The following KIF26B variants were observed in gnomAD, a reference collection of about 807,000 sequenced individuals.
KIF26B encodes the protein kinesin family member 26B.
KIF26B carries 63 observed loss-of-function variants against 151.2 expected under a neutral mutation model. That is an observed-to-expected ratio of 0.42 (90% confidence interval 0.34 to 0.51). KIF26B has a LOEUF of 0.51. KIF26B is among the 20% of genes least tolerant of loss of function. The pLI is 0.07. For missense variants in KIF26B, 2,813 were observed against 2,913.6 expected (o/e 0.97, Z 0.79); for synonymous variants, 1,357 against 1,262.1 (o/e 1.08, Z -1.59).
intron 4 of KIF26B, among the ~76,000 whole-genome samples, chr1:245,500,139 G>A (rs150596939): frequency 3.9e-5 from 6 of 152,308 alleles, no homozygotes; most frequent in African/African-American, 7.2e-5. Context: ...AGCATTCAAA[G>A]CTATTCCTTC....
intron 2 of KIF26B, among the ~76,000 whole-genome samples, chr1:245,297,470 T>C (rs1417484508): frequency 6.6e-6 from 1 of 152,236 alleles, no homozygotes; most frequent in Non-Finnish European, 1.5e-5. Flanking sequence ...ATTTGAGTCT[T>C]TGCTGATTCC....
rs561167738 is a variant in KIF26B, at chr1:245,256,773, A to G, written c.465+100090A>G. On this transcript the variant is annotated intron_variant, in intron 2 of 14. Transcript: ENST00000407071. ...TTAAAATAGAGACTTCAGACTGACA[A>G]AGCGGACTCTTTGTAGCAATGAGAT... Among the ~76,000 whole-genome samples, 4 of 152,344 alleles carry G rather than the reference A, an allele frequency of 2.6e-5. No individual in the cohort carries two copies. In the East Asian group the frequency reaches 5.8e-4, roughly 22 times the overall value.
At chr1:245,612,341 G>T (rs549779856) in intron 9 of KIF26B, among the ~76,000 whole-genome samples, 1 of 151,946 alleles carries the variant, frequency 6.6e-6, no homozygotes, top group Non-Finnish European at 1.5e-5. Context: ...TAGAACTCCC[G>T]GTCTTGAGAT....
At chr1:245,197,173 G>A (rs1669210816) in intron 2 of KIF26B, among the ~76,000 whole-genome samples, 1 of 152,192 alleles carries the variant, frequency 6.6e-6, no homozygotes, top group Admixed American at 6.5e-5. Context: ...CCACACTCAA[G>A]ATGTTGCAGG....
chr1:245,600,327 C>A lies in KIF26B; in HGVS notation c.1351-2250C>A, dbSNP rs193114797. Among the ~76,000 whole-genome samples the A allele has an allele frequency of 3.6e-3, 524 of 145,232 alleles. 6 individuals are homozygous for A. Among genetic ancestry groups the A allele is most frequent in the Middle Eastern group, 0.014 (4 of 292 alleles). ...TGCTGGGATTACAGGCGTGAGCCAC[C>A]ACGCCTGGCCGTTTTGTTTTTGAGA... On this transcript the variant is annotated intron_variant, in intron 5 of 14. Transcript: ENST00000407071.
At chr1:245,651,513 C>A (rs1366756144) in intron 10 of KIF26B, among the ~76,000 whole-genome samples, 4 of 149,560 alleles carry the variant, frequency 2.7e-5, no homozygotes, top group Non-Finnish European at 4.4e-5. Flanking sequence ...TTTCTCAGAA[C>A]TGGAAACCCA....
At chr1:245,614,198 TCTCA>T (rs1315487208) in intron 9 of KIF26B, among the ~76,000 whole-genome samples, 4 of 152,138 alleles carry the variant, frequency 2.6e-5, no homozygotes, top group Admixed American at 6.6e-5. Flanking sequence ...TGAGATGAAG[TCTCA>T]CTCACTCTGT....
chr1:245,680,680 C>G (rs1340049983), intron 10 of KIF26B, among the ~76,000 whole-genome samples: 2 of 152,208 alleles, frequency 1.3e-5, no homozygotes, highest in African/African-American at 4.8e-5. Flanking sequence ...AGAGTGCAGG[C>G]AGTCCTCATC....
At chr1:245,568,944 T>A (rs1166951435) in intron 5 of KIF26B, among the ~76,000 whole-genome samples, 3 of 152,190 alleles carry the variant, frequency 2.0e-5, no homozygotes, top group Non-Finnish European at 4.4e-5. Flanking sequence ...AATTTCCTAC[T>A]CTCAGCAGGA....
rs1262971888 is a variant in KIF26B at position 245,698,077 on chromosome 1, T to C, written c.5825-29T>C. ...CAAAAAAATTGAAATTCAGAAAGACTAACTCTCTGGGCTTATCCCCCTCCT... is the reference window on the plus strand; with the variant it reads ...CAAAAAAATTGAAATTCAGAAAGACCAACTCTCTGGGCTTATCCCCCTCCT... On this transcript the variant is annotated intron_variant, in intron 12 of 14. Coordinates refer to ENST00000407071, the MANE Select transcript of KIF26B (RefSeq NM_018012.4). This position sits in a 1 kb window ranked among gnomAD's most constrained non-coding sequence, Gnocchi z 4.0. 5 of 1,585,684 alleles carry C rather than the reference T, an allele frequency of 3.2e-6. No homozygotes were observed. The highest frequency in any genetic ancestry group is 4.3e-6 in the Non-Finnish European group (5 of 1,165,266).
intron 2 of KIF26B, 73 bp downstream of exon 2, chr1:245,156,756 C>A: frequency 3.0e-6 from 3 of 992,862 alleles, no homozygotes; most frequent in South Asian, 2.7e-5. Context: ...AGCAGCTGCT[C>A]AGCCCGCCGC....
At chr1:245,451,512 T>C (rs1659389543) in intron 4 of KIF26B, among the ~76,000 whole-genome samples, 1 of 151,646 alleles carries the variant, frequency 6.6e-6, no homozygotes, top group African/African-American at 2.4e-5. Flanking sequence ...GTATAGCCAA[T>C]TTTTATGAAT....
At chr1:245,179,846 G>A (rs1351157126) in intron 2 of KIF26B, among the ~76,000 whole-genome samples, 1 of 152,220 alleles carries the variant, frequency 6.6e-6, no homozygotes, top group African/African-American at 2.4e-5. Flanking sequence ...GAGACAGAGG[G>A]TGGACAGGAT....
intron 2 of KIF26B, chr1:245,216,316 G>T (rs1199931342): frequency 6.6e-6 from 1 of 151,958 alleles, no homozygotes; most frequent in African/African-American, 2.4e-5. Flanking sequence ...GTAACAAAAA[G>T]AAGGGCAGGA....
At chr1:245,618,614 G>C (rs996843270) in intron 9 of KIF26B, among the ~76,000 whole-genome samples, 1 of 147,834 alleles carries the variant, frequency 6.8e-6, no homozygotes, top group Non-Finnish European at 1.5e-5. Flanking sequence ...GGTTCCTTGA[G>C]ACAGAGTGCC....
rs117423892 is a variant in KIF26B, at chr1:245,683,486, C to T, written c.2259-747C>T. ...CCATTTCTCCAGGTCTATTCAAAGA[C>T]GTAGCAACACTCCCTGCAAACCCCA... On this transcript the variant is annotated intron_variant, in intron 10 of 14. Coordinates refer to ENST00000407071, the MANE Select transcript of KIF26B (RefSeq NM_018012.4). Among the ~76,000 whole-genome samples, 57 of 152,234 alleles carry T rather than the reference C, an allele frequency of 3.7e-4. No homozygotes were observed. The East Asian group carries it at 3.9e-3, about 10-fold the overall frequency.
At chr1:245,175,323 A>G (rs1005592712) in intron 2 of KIF26B, among the ~76,000 whole-genome samples, 5 of 152,100 alleles carry the variant, frequency 3.3e-5, no homozygotes, top group African/African-American at 1.2e-4. Flanking sequence ...GATAGCAGCT[A>G]GAAGTAAGTC....
intron 2 of KIF26B, among the ~76,000 whole-genome samples, chr1:245,287,054 AGCCGAGATCTT>A (rs1313703095): frequency 6.6e-6 from 1 of 152,140 alleles, no homozygotes; most frequent in Admixed American, 6.5e-5. Context: ...GGTTGCAGTG[AGCCGAGATCTT>A]GCCACTGCAC....
At chr1:245,190,762 TAA>T (rs1161252797) in intron 2 of KIF26B, among the ~76,000 whole-genome samples, 1 of 151,508 alleles carries the variant, frequency 6.6e-6, no homozygotes, top group Admixed American at 6.6e-5. Flanking sequence ...AGTCTCCCTA[TAA>T]GAGATAAGAA....
Sources: allele counts gnomAD v4.1 joint callset (sites outside exome capture counted in the v4.1 genomes callset), GRCh38; gene constraint gnomAD v4.1.1; non-coding constraint Gnocchi (gnomAD v3.1); transcripts MANE v1.5; gene names NCBI Gene and HGNC (gene_info 2026-07-23, HGNC 2026-07-21).